ANO10: variants seen among roughly 807,000 people sequenced by gnomAD.
ANO10 encodes the protein anoctamin 10.
In ANO10, 77 loss-of-function variants were observed where a neutral mutation model predicts 74.7. That is an observed-to-expected ratio of 1.03 (90% CI 0.86 to 1.25). The LOEUF (loss-of-function observed/expected upper bound fraction) is 1.25, where lower values mean the gene tolerates loss of function less well. Ranked by LOEUF, ANO10 falls within the 50% of genes most tolerant of loss-of-function variation. The pLI is 0.00. For synonymous variants in ANO10, 279 were observed against 284.9 expected (o/e 0.98, Z 0.21); for missense variants, 721 against 778.1 (o/e 0.93, Z 0.87).
At chr3:43,387,620 G>A (rs2092159773) in intron 12 of ANO10, among the ~76,000 whole-genome samples, 1 of 152,112 alleles carries the variant, frequency 6.6e-6, no homozygotes, top group Non-Finnish European at 1.5e-5. Context: ...CAGCTTCTGG[G>A]GCTATGTGAG....
chr3:43,682,192 T>G (rs1008785737), intron 1 of ANO10, among the ~76,000 whole-genome samples: 6 of 151,366 alleles, frequency 4.0e-5, no homozygotes, highest in Non-Finnish European at 7.4e-5. Context: ...GCAAGACTAA[T>G]AAAGAAGAAA....
intron 1 of ANO10, among the ~76,000 whole-genome samples, chr3:43,667,072 G>GGT (rs2084000605): frequency 1.8e-5 from 1 of 56,124 alleles, no homozygotes; most frequent in African/African-American, 7.0e-5. Flanking sequence ...TACAATGCAT[G>GGT]TTTTTTTTTT....
chr3:43,614,364 A>C (rs2082980605), intron 1 of ANO10, among the ~76,000 whole-genome samples: 1 of 152,182 alleles, frequency 6.6e-6, no homozygotes. Context: ...GCACAACCTT[A>C]ACAGTATTTG....
intron 1 of ANO10, among the ~76,000 whole-genome samples, chr3:43,669,716 TTTTATTTA>T (rs142716450): frequency 7.0e-4 from 106 of 151,920 alleles, no homozygotes; most frequent in African/African-American, 1.9e-3. Flanking sequence ...TCTTTTTAGT[TTTTATTTA>T]TTTATTTATT....
At chr3:43,369,256 C>T (rs1293097554) in intron 12 of ANO10, among the ~76,000 whole-genome samples, 1 of 152,264 alleles carries the variant, frequency 6.6e-6, no homozygotes, top group African/African-American at 2.4e-5. Flanking sequence ...GAACTCGGAA[C>T]CCACTTGGCT....
intron 11 of ANO10, among the ~76,000 whole-genome samples, chr3:43,481,890 T>G (rs886214929): frequency 6.6e-6 from 1 of 152,016 alleles, no homozygotes; most frequent in Admixed American, 6.6e-5. Flanking sequence ...AGTGTACATC[T>G]TGTATGTATT....
At chr3:43,421,553 G>A (rs2092820272) in intron 12 of ANO10, among the ~76,000 whole-genome samples, 1 of 151,930 alleles carries the variant, frequency 6.6e-6, no homozygotes, top group Admixed American at 6.6e-5. Flanking sequence ...AACTGGGCAT[G>A]GTGGCTCATA....
At position 43,576,771 on chromosome 3, in the gene ANO10, C is replaced by T. The variant is rs1274623516; in HGVS notation, c.1083G>A (p.Val361=). ...GSEWTSVLLY[V]PSIIYAIVIE... ...TCACAATGGCATAGATGATGCTGGG[C>T]ACATACAACAGGACACTGGTCCACT... Residue 361 remains valine, a synonymous_variant, in exon 6 of 13, where the codon GTG becomes GTA. Coordinates refer to ENST00000292246, the MANE Select transcript of ANO10 (RefSeq NM_018075.5). The T allele has an allele frequency of 6.2e-7, 1 of 1,614,140 alleles. No individual in the cohort carries two copies. Among genetic ancestry groups the T allele is most frequent in the South Asian group, 1.1e-5 (1 of 91,088 alleles).
intron 11 of ANO10, among the ~76,000 whole-genome samples, chr3:43,504,343 G>GATAGATAA (rs1553692183): frequency 1.2e-3 from 176 of 149,650 alleles, no homozygotes; most frequent in Admixed American, 1.9e-3. Flanking sequence ...TAGATAGATA[G>GATAGATAA]ATAAAAATAA....
chr3:43,580,335 A>G lies in ANO10; in HGVS notation c.592+18T>C. The G allele has an allele frequency of 1.9e-6, 3 of 1,613,478 alleles. No individual in the cohort carries two copies. The highest frequency in any genetic ancestry group is 2.5e-6 in the Non-Finnish European group (3 of 1,179,678). On this transcript the variant is annotated intron_variant, in intron 5 of 12. Coordinates refer to ENST00000292246, the MANE Select transcript of ANO10 (RefSeq NM_018075.5). ...AGAGGCCTTCCTCTTCTTTAAGAGAACAAGTACTGACACATACCTATGGGC... is the reference window on the plus strand; with the variant it reads ...AGAGGCCTTCCTCTTCTTTAAGAGAGCAAGTACTGACACATACCTATGGGC...
At chr3:43,403,452 T>C (rs1399678112) in intron 12 of ANO10, among the ~76,000 whole-genome samples, 1 of 152,192 alleles carries the variant, frequency 6.6e-6, no homozygotes, top group Non-Finnish European at 1.5e-5. Flanking sequence ...GGGGCTGGGC[T>C]GGGCCCATGT....
At chr3:43,591,497 G>C (rs543636108) in intron 4 of ANO10, among the ~76,000 whole-genome samples, 5 of 152,184 alleles carry the variant, frequency 3.3e-5, no homozygotes, top group African/African-American at 7.2e-5. Flanking sequence ...GAGAACAAAA[G>C]ACTTGCCCCC....
upstream of ANO10, among the ~76,000 whole-genome samples, chr3:43,624,250 T>A (rs185106722): frequency 2.4e-4 from 37 of 152,172 alleles, no homozygotes; most frequent in Admixed American, 5.9e-4. Context: ...CTGTATATAT[T>A]ATGTTTTTTC....
intron 1 of ANO10, among the ~76,000 whole-genome samples, chr3:43,682,459 G>T (rs914664220): frequency 6.6e-6 from 1 of 152,156 alleles, no homozygotes; most frequent in South Asian, 2.1e-4. Context: ...ACCAAAAAAA[G>T]TTCAGGACCA....
chr3:43,517,622 T>C (rs976410398), intron 11 of ANO10, among the ~76,000 whole-genome samples: 1 of 152,140 alleles, frequency 6.6e-6, no homozygotes, highest in East Asian at 1.9e-4. Context: ...ATGGTGGCCA[T>C]CTAAAAGCTA....
intron 11 of ANO10, among the ~76,000 whole-genome samples, chr3:43,496,913 C>G (rs1050407213): frequency 6.6e-6 from 1 of 152,110 alleles, no homozygotes; most frequent in East Asian, 1.9e-4. Context: ...CCTTCCTGTT[C>G]CTGATGATGC....
chr3:43,452,473 T>C (rs1031754419), intron 11 of ANO10, among the ~76,000 whole-genome samples: 1 of 152,234 alleles, frequency 6.6e-6, no homozygotes, highest in African/African-American at 2.4e-5. Context: ...GCACAGTGTT[T>C]TCAAGTTTCA....
intron 11 of ANO10, among the ~76,000 whole-genome samples, chr3:43,458,872 T>C (rs1292089174): frequency 1.3e-5 from 2 of 152,188 alleles, no homozygotes; most frequent in South Asian, 2.1e-4. Context: ...TGTGTTCTCA[T>C]TGTTCAGCTC....
At chr3:43,468,001 A>G (rs888967141) in intron 11 of ANO10, among the ~76,000 whole-genome samples, 2 of 152,204 alleles carry the variant, frequency 1.3e-5, no homozygotes, top group Admixed American at 6.5e-5. Context: ...AGCATTGAGC[A>G]TAAGTACTCT....
Sources: gnomAD v4.1 joint callset for allele counts (sites outside exome capture counted in the v4.1 genomes callset) on GRCh38, gnomAD v4.1.1 for gene constraint, MANE v1.5 for transcripts, NCBI Gene and HGNC (gene_info 2026-07-23, HGNC 2026-07-21) for gene names.